The following ZNF555 variants were observed in gnomAD, a reference collection of about 807,000 sequenced individuals.
The protein encoded by ZNF555 is zinc finger protein 555.
A neutral mutation model predicts 14.0 loss-of-function variants in ZNF555; 10 were observed. That is an observed-to-expected ratio of 0.72 (90% CI 0.44 to 1.21). ZNF555 has a LOEUF of 1.21. Ranked by LOEUF, ZNF555 falls within the 50% of genes most tolerant of loss-of-function variation. The pLI is 0.00. For missense variants in ZNF555, 747 were observed against 762.0 expected (o/e 0.98, Z 0.23); for synonymous variants, 277 against 262.4 (o/e 1.06, Z -0.54).
chr19:2,842,869 C>G (rs886929356), intron 1 of ZNF555, among the ~76,000 whole-genome samples: 1 of 152,074 alleles, frequency 6.6e-6, no homozygotes, highest in African/African-American at 2.4e-5. Context: ...ATGGAGAAAC[C>G]CCGTCTCTGC....
rs1408585987 is a variant in ZNF555 at position 2,859,249 on chromosome 19, G to C, written c.*5297G>C. ...CTTAGGCGAGGCGGGGCGACTCTAGGAAGTGGAGACATCAAGAGTGGTACT... is the reference window on the plus strand; with the variant it reads ...CTTAGGCGAGGCGGGGCGACTCTAGCAAGTGGAGACATCAAGAGTGGTACT... On this transcript the variant is annotated 3_prime_UTR_variant, in exon 4 of 4. Coordinates refer to ENST00000334241, the MANE Select transcript of ZNF555 (RefSeq NM_152791.5). 6.6e-6 allele frequency: 1 copy of C among 152,288 alleles called. No individual in the cohort carries two copies. Among genetic ancestry groups the C allele is most frequent in the East Asian group, 1.9e-4 (1 of 5,192 alleles). 9.4% of individuals were successfully genotyped at this position (152,288 alleles called of 1,614,324 possible). A position where few individuals can be genotyped will look rare whatever the true frequency, so the allele number is the denominator to read the frequency against.
Position 2,853,540 on chromosome 19 carries a change from A to C in ZNF555, c.1475A>C (p.His492Pro), listed in dbSNP as rs767131810. ...CKLCGKAFYC[H>P]ISLQKHMRRH... Reference sequence around the variant, plus strand: ...CTATGTGGGAAAGCTTTCTATTGCCACATATCCTTACAAAAACATATGAGA... The same window carrying C: ...CTATGTGGGAAAGCTTTCTATTGCCCCATATCCTTACAAAAACATATGAGA... Residue 492 changes from histidine to proline, a missense_variant, in exon 4 of 4, where the codon CAC becomes CCC. Coordinates refer to ENST00000334241, the MANE Select transcript of ZNF555 (RefSeq NM_152791.5). The C allele has an allele frequency of 6.2e-7, 1 of 1,610,924 alleles. No individual in the cohort carries two copies. The highest frequency in any genetic ancestry group is 1.3e-5 in the African/African-American group (1 of 74,810).
At chr19:2,845,590 C>T (rs1335606041) in intron 1 of ZNF555, among the ~76,000 whole-genome samples, 1 of 152,192 alleles carries the variant, frequency 6.6e-6, no homozygotes, top group Non-Finnish European at 1.5e-5. Context: ...CATGTGTAAG[C>T]ATTCCCTTTC....
At position 2,852,712 on chromosome 19, in the gene ZNF555, A is replaced by G. The variant is rs377001365; in HGVS notation, c.647A>G (p.Asn216Ser). ...ACCTTTCCTCGTACTTCCTCCCTCA[A>G]TCGGCATGTAAGGATTCACACTGCT... ...GKTFPRTSSL[N>S]RHVRIHTAEK... is the part of the protein sequence containing the mutation. The change falls in exon 4 of 4, where the codon AAT becomes AGT. Residue 216 changes from asparagine to serine, a missense_variant. Asn to Ser is a conservative substitution (Grantham distance 46, BLOSUM62 1). Coordinates refer to ENST00000334241, the MANE Select transcript of ZNF555 (RefSeq NM_152791.5). 38 of 1,614,018 alleles carry G rather than the reference A, an allele frequency of 2.4e-5. No individual in the cohort carries two copies. Among genetic ancestry groups the G allele is most frequent in the South Asian group, 1.6e-4 (15 of 91,086 alleles).
chr19:2,847,406 C>G (rs2087590868), intron 1 of ZNF555: 1 of 152,296 alleles, frequency 6.6e-6, no homozygotes, highest in East Asian at 1.9e-4. Context: ...TAACGAGTTA[C>G]TGGGTACAGC....
chr19:2,845,505 G>T lies in ZNF555; in HGVS notation c.3+3930G>T, dbSNP rs8106121. Reference sequence around the variant, plus strand: ...AGTGGGATTGCTGGGTTGAATGGTGGTTCTGTTTTTAGTTCTTTGAGAAAT... The same window carrying T: ...AGTGGGATTGCTGGGTTGAATGGTGTTTCTGTTTTTAGTTCTTTGAGAAAT... On this transcript the variant is annotated intron_variant, in intron 1 of 3. Transcript: ENST00000334241. Among the ~76,000 whole-genome samples the T allele has an allele frequency of 5.3e-3, 800 of 152,258 alleles. 9 individuals carry two copies. Among genetic ancestry groups the T allele is most frequent in the African/African-American group, 0.019 (777 of 41,550 alleles).
chr19:2,852,114 C>T (rs1357356385), intron 3 of ZNF555, among the ~76,000 whole-genome samples: 1 of 150,660 alleles, frequency 6.6e-6, no homozygotes, highest in African/African-American at 2.4e-5. Flanking sequence ...CACCACTGCA[C>T]TCCAGCCTGG....
In ZNF555 at chr19:2,851,520, T is replaced by C. The variant is rs1474525972; in HGVS notation, c.183T>C (p.Tyr61=). The stretch of plus-strand genomic sequence containing the variant: ...GGTCAGTTTCTCAGCAGGATATTTA[T>C]GGAGAGAAAATACCCAAGGAATCTA... ...ASGSVSQQDI[Y]GEKIPKESKI... The change falls in exon 3 of 4, where the codon TAT becomes TAC. Residue 61 remains tyrosine, a synonymous_variant. Coordinates refer to ENST00000334241, the MANE Select transcript of ZNF555 (RefSeq NM_152791.5). 1.2e-6 allele frequency: 2 copies of C among 1,608,746 alleles called. No homozygotes were observed. The highest frequency in any genetic ancestry group is 8.5e-7 in the Non-Finnish European group (1 of 1,178,682).
At chr19:2,851,719 A>G (rs2087632217) in intron 3 of ZNF555, 68 bp downstream of exon 3, 1 of 1,348,488 alleles carries the variant, frequency 7.4e-7, no homozygotes, top group African/African-American at 1.5e-5. Flanking sequence ...AAACTTTAAA[A>G]AAGCAAGCAA....
Position 2,858,464 on chromosome 19 carries a change from G to A in ZNF555, c.*4512G>A, listed in dbSNP as rs2087702465. 6.6e-6 allele frequency: 1 copy of A among 152,172 alleles called. No homozygotes were observed. Among genetic ancestry groups the A allele is most frequent in the African/African-American group, 2.4e-5 (1 of 41,442 alleles). The allele number at this position is 152,172 out of a possible 1,614,324, so 9.4% of individuals were successfully genotyped here. ...AACGGGGACCCTACACTTCTTCCCA[G>A]GAATATCCTGCCTGGGAGCATCCTG... On this transcript the variant is annotated 3_prime_UTR_variant, in exon 4 of 4. Coordinates refer to ENST00000334241, the MANE Select transcript of ZNF555 (RefSeq NM_152791.5).
chr19:2,853,720 C>A lies in ZNF555; in HGVS notation c.1655C>A (p.Pro552Gln), dbSNP rs2087659422. ...GTCTTCAAATGGCCATCATCTTTAC[C>A]AATACATATGAGACTGCACACTGGA... Reference protein sequence around the residue: ...GKVFKWPSSLPIHMRLHTGEK... With the variant: ...GKVFKWPSSLQIHMRLHTGEK... The change falls in exon 4 of 4, where the codon CCA becomes CAA. Residue 552 changes from proline to glutamine, a missense_variant. Coordinates refer to ENST00000334241, the MANE Select transcript of ZNF555 (RefSeq NM_152791.5). 2 of 1,576,222 alleles carry A rather than the reference C, an allele frequency of 1.3e-6. No individual in the cohort carries two copies. Among genetic ancestry groups the A allele is most frequent in the Non-Finnish European group, 1.7e-6 (2 of 1,162,670 alleles).
Position 2,841,589 on chromosome 19 carries a change from A to T in ZNF555, c.3+14A>T, listed in dbSNP as rs920317179. ...CCCCGGGACATGGTGAGTGTGGCGCAGGAGAGGATCCCGGTGCGGGGCAGC... is the reference window on the plus strand; with the variant it reads ...CCCCGGGACATGGTGAGTGTGGCGCTGGAGAGGATCCCGGTGCGGGGCAGC... On this transcript the variant is annotated intron_variant, in intron 1 of 3. Transcript: ENST00000334241. 12 of 1,526,830 alleles carry T rather than the reference A, an allele frequency of 7.9e-6. No homozygotes were observed. In the African/African-American group the frequency reaches 1.6e-4, roughly 20 times the overall value. 94.6% of individuals were successfully genotyped at this position (1,526,830 alleles called of 1,614,324 possible).
chr19:2,850,312 G>T (rs568239682), intron 1 of ZNF555, among the ~76,000 whole-genome samples: 1 of 152,316 alleles, frequency 6.6e-6, no homozygotes, highest in African/African-American at 2.4e-5. Context: ...TATAGCATTT[G>T]TTTGATATCT....
At position 2,853,887 on chromosome 19, in the gene ZNF555, G is replaced by C. The variant is rs1317841780; in HGVS notation, c.1822G>C (p.Ala608Pro). 1 of 1,614,046 alleles carries C rather than the reference G, an allele frequency of 6.2e-7. No homozygotes were observed. The highest frequency in any genetic ancestry group is 1.1e-5 in the South Asian group (1 of 91,086). Residue 608 changes from alanine to proline, a missense_variant, in exon 4 of 4, where the codon GCT becomes CCT. By Grantham distance (27) the Ala-to-Pro change is conservative. Coordinates refer to ENST00000334241, the MANE Select transcript of ZNF555 (RefSeq NM_152791.5). ...TCCTGCAAATGAATTCATGTGCAGTGCTTCAGAAAAGTCACACCAGGAGAG... is the reference window on the plus strand; with the variant it reads ...TCCTGCAAATGAATTCATGTGCAGTCCTTCAGAAAAGTCACACCAGGAGAG... ...HPPANEFMCSASEKSHQERDL... is the reference protein window; with the variant it reads ...HPPANEFMCSPSEKSHQERDL...
At chr19:2,849,845 C>T (rs1040578372) in intron 1 of ZNF555, among the ~76,000 whole-genome samples, 7 of 152,036 alleles carry the variant, frequency 4.6e-5, no homozygotes, top group Non-Finnish European at 7.4e-5. Flanking sequence ...GTGTGCACCT[C>T]GCTCTGTGTA....
rs2144858576 is a variant in ZNF555, at chr19:2,853,922, C to T, written c.1857C>T (p.Ile619=). 5 of 1,613,762 alleles carry T rather than the reference C, an allele frequency of 3.1e-6. 1 individual carries two copies. The Middle Eastern group carries it at 5.0e-4, about 160-fold the overall frequency. The change falls in exon 4 of 4, where the codon ATC becomes ATT. Residue 619 remains isoleucine (I), a synonymous_variant. Coordinates refer to ENST00000334241, the MANE Select transcript of ZNF555 (RefSeq NM_152791.5). ...AGTCACACCAGGAGAGAGATCTGAT[C>T]AAAGTTGTAAATATGGTGTTGCCTT... ...SEKSHQERDL[I]KVVNMVLPL is the part of the protein sequence containing the mutation.
Position 2,851,513 on chromosome 19 carries a change from A to G in ZNF555, c.176A>G (p.Asp59Gly). Reference protein sequence around the residue: ...FKASGSVSQQDIYGEKIPKES... With the variant: ...FKASGSVSQQGIYGEKIPKES... ...GCCAGTGGGTCAGTTTCTCAGCAGGATATTTATGGAGAGAAAATACCCAAG... is the reference window on the plus strand; with the variant it reads ...GCCAGTGGGTCAGTTTCTCAGCAGGGTATTTATGGAGAGAAAATACCCAAG... Residue 59 changes from aspartate to glycine, a missense_variant, in exon 3 of 4, where the codon GAT (aspartate) becomes GGT (glycine). By Grantham distance (94) the Asp-to-Gly change is moderately conservative. Transcript: ENST00000334241. The G allele has an allele frequency of 1.2e-6, 2 of 1,606,062 alleles. No homozygotes were observed. The highest frequency in any genetic ancestry group is 1.7e-5 in the Admixed American group (1 of 57,606).
chr19:2,853,165 C>G lies in ZNF555; in HGVS notation c.1100C>G (p.Pro367Arg). ...GAAAGGATTCACACTGGAGAGAAAC[C>G]CTACGAATGCAAACAGTGTGGGAAG... Reference protein sequence around the residue: ...RHERIHTGEKPYECKQCGKTF... With the variant: ...RHERIHTGEKRYECKQCGKTF... The change falls in exon 4 of 4, where the codon CCC becomes CGC. Residue 367 changes from proline (P) to arginine (R), a missense_variant. By Grantham distance (103) the Pro-to-Arg change is moderately radical. Coordinates refer to ENST00000334241, the MANE Select transcript of ZNF555 (RefSeq NM_152791.5). 1 of 1,614,088 alleles carries G rather than the reference C, an allele frequency of 6.2e-7. No individual in the cohort carries two copies. Among genetic ancestry groups the G allele is most frequent in the Non-Finnish European group, 8.5e-7 (1 of 1,180,014 alleles).
intron 1 of ZNF555, chr19:2,847,101 C>A (rs2087587953): frequency 6.6e-6 from 1 of 152,232 alleles, no homozygotes; most frequent in South Asian, 2.1e-4. Context: ...CTTAAAAAAA[C>A]AAAACAAAAA....
Sources: gnomAD v4.1 joint callset for allele counts (sites outside exome capture counted in the v4.1 genomes callset) on GRCh38, gnomAD v4.1.1 for gene constraint, MANE v1.5 for transcripts, NCBI Gene and HGNC (gene_info 2026-07-23, HGNC 2026-07-21) for gene names.